HDAC9: variants seen among roughly 807,000 people sequenced by gnomAD.
The protein encoded by HDAC9 is histone deacetylase 9.
A neutral mutation model predicts 139.4 loss-of-function variants in HDAC9; 41 were observed. That is an observed-to-expected ratio of 0.29 (90% confidence interval 0.23 to 0.38). HDAC9 has a LOEUF of 0.38. HDAC9 is among the 10% of genes least tolerant of loss of function. The pLI is 1.00. For synonymous variants in HDAC9, 517 were observed against 476.2 expected, an observed-to-expected ratio of 1.09 and a Z score of -1.12; for missense variants, 1,147 against 1,297.0, an observed-to-expected ratio of 0.88 and a Z score of 1.78.
At chr7:18,396,162 C>T (rs1207448141) in intron 1 of HDAC9, among the ~76,000 whole-genome samples, 5 of 126,594 alleles carry the variant, frequency 3.9e-5, no homozygotes, top group African/African-American at 1.2e-4. Flanking sequence ...TTGTTTCCTT[C>T]TTTCCTTTCT....
intron 2 of HDAC9, among the ~76,000 whole-genome samples, chr7:18,171,933 T>C (rs1193219106): frequency 1.3e-5 from 2 of 152,232 alleles, no homozygotes; most frequent in African/African-American, 4.8e-5. Flanking sequence ...TGACAGGCTT[T>C]GGTATCAGGA....
At chr7:18,589,097 T>G (rs1031702723) in intron 3 of HDAC9, among the ~76,000 whole-genome samples, 2 of 152,194 alleles carry the variant, frequency 1.3e-5, no homozygotes, top group Admixed American at 6.5e-5. Context: ...TGTCCGGATT[T>G]CATATCTACT....
At chr7:18,883,485 A>G (rs1799886067) in intron 22 of HDAC9, among the ~76,000 whole-genome samples, 1 of 152,170 alleles carries the variant, frequency 6.6e-6, no homozygotes, top group African/African-American at 2.4e-5. Flanking sequence ...GACAAATTCA[A>G]TGTCCTTTTA....
intron 2 of HDAC9, among the ~76,000 whole-genome samples, chr7:18,256,377 G>A (rs139729356): frequency 1.1e-3 from 163 of 152,266 alleles, no homozygotes; most frequent in African/African-American, 3.7e-3. Context: ...TTCTGTAGGA[G>A]TTTGGAGCTG....
intron 17 of HDAC9, among the ~76,000 whole-genome samples, chr7:18,826,608 A>G (rs1451028514): frequency 6.6e-6 from 1 of 151,276 alleles, no homozygotes; most frequent in Non-Finnish European, 1.5e-5. Flanking sequence ...TCGTTCAAGG[A>G]ATTTGGCTGT....
At chr7:18,451,567 CAT>C (rs1355732583) in intron 1 of HDAC9, among the ~76,000 whole-genome samples, 1 of 151,800 alleles carries the variant, frequency 6.6e-6, no homozygotes. Context: ...ACAGATCTGA[CAT>C]GTGGATTTCC....
chr7:18,993,071 G>A (rs1158403779), intron 25 of HDAC9, among the ~76,000 whole-genome samples: 1 of 149,662 alleles, frequency 6.7e-6, no homozygotes, highest in Non-Finnish European at 1.5e-5. Context: ...CCATTAAAGG[G>A]TCATCACTCA....
intron 21 of HDAC9, among the ~76,000 whole-genome samples, chr7:18,874,095 G>A: frequency 6.6e-6 from 1 of 151,932 alleles, no homozygotes; most frequent in East Asian, 1.9e-4. Context: ...GAGCAAGCCG[G>A]GTTTTCACTA....
intron 1 of HDAC9, among the ~76,000 whole-genome samples, chr7:18,480,232 T>C (rs1439366853): frequency 2.0e-5 from 3 of 152,206 alleles, no homozygotes; most frequent in African/African-American, 7.2e-5. Context: ...CTATTAGGGA[T>C]AGATGGTAAT....
At chr7:18,503,956 C>T (rs879816012) in intron 2 of HDAC9, among the ~76,000 whole-genome samples, 1 of 152,018 alleles carries the variant, frequency 6.6e-6, no homozygotes, top group Admixed American at 6.6e-5. Context: ...AAATAAACCC[C>T]CCAAAATCCA....
At chr7:18,324,019 C>T (rs941788243) in intron 1 of HDAC9, among the ~76,000 whole-genome samples, 2 of 151,280 alleles carry the variant, frequency 1.3e-5, no homozygotes, top group Non-Finnish European at 2.9e-5. Context: ...GCACTAACCT[C>T]ATTCATAAGT....
intron 1 of HDAC9, among the ~76,000 whole-genome samples, chr7:18,332,737 CCTAT>C (rs1209876622): frequency 5.3e-5 from 8 of 151,558 alleles, no homozygotes; most frequent in Non-Finnish European, 8.9e-5. Context: ...CTCAATTTGG[CCTAT>C]CTTTTTGTGT....
chr7:18,118,377 A>G (rs536794565), intron 1 of HDAC9, among the ~76,000 whole-genome samples: 1 of 152,292 alleles, frequency 6.6e-6, no homozygotes, highest in South Asian at 2.1e-4. Context: ...TTGGAAAGGA[A>G]TGTTACATCA....
intron 1 of HDAC9, among the ~76,000 whole-genome samples, chr7:18,320,809 G>T (rs1470111643): frequency 6.6e-6 from 1 of 152,074 alleles, no homozygotes; most frequent in Non-Finnish European, 1.5e-5. Context: ...CACTGGGCCG[G>T]GGGTAGACCC....
intron 22 of HDAC9, among the ~76,000 whole-genome samples, chr7:18,893,129 A>G (rs905222249): frequency 6.6e-6 from 1 of 151,808 alleles, no homozygotes; most frequent in Non-Finnish European, 1.5e-5. Context: ...CTTCATATCT[A>G]GAGCTCTCTC....
chr7:18,782,103 C>T (rs1332274210), intron 16 of HDAC9, among the ~76,000 whole-genome samples: 3 of 152,040 alleles, frequency 2.0e-5, no homozygotes, highest in Non-Finnish European at 4.4e-5. Context: ...CTCAATTATT[C>T]AGAAAATGCC....
intron 2 of HDAC9, among the ~76,000 whole-genome samples, chr7:18,200,364 G>GT (rs1339501211): frequency 2.6e-5 from 4 of 152,172 alleles, no homozygotes; most frequent in Non-Finnish European, 4.4e-5. Flanking sequence ...GATTTGAGAG[G>GT]TTTTTTCAAT....
At chr7:18,352,999 CAA>C (rs1262162666) in intron 1 of HDAC9, among the ~76,000 whole-genome samples, 1 of 152,110 alleles carries the variant, frequency 6.6e-6, no homozygotes, top group Non-Finnish European at 1.5e-5. Context: ...CTTTTATGAA[CAA>C]ATACCCTGCT....
intron 17 of HDAC9, among the ~76,000 whole-genome samples, chr7:18,817,424 G>C (rs1794656808): frequency 6.6e-6 from 1 of 152,084 alleles, no homozygotes; most frequent in South Asian, 2.1e-4. Context: ...ACCCAAAGAG[G>C]GTTCAACCAA....
Sources: gnomAD v4.1 joint callset for allele counts (sites outside exome capture counted in the v4.1 genomes callset) on GRCh38, gnomAD v4.1.1 for gene constraint, MANE v1.5 for transcripts, NCBI Gene and HGNC (gene_info 2026-07-23, HGNC 2026-07-21) for gene names.